Variants in AHDC1 observed in about 807,000 individuals in gnomAD.
AHDC1 encodes the protein transcription factor Gibbin.
A neutral mutation model predicts 87.9 loss-of-function variants in AHDC1; 7 were observed. That is an observed-to-expected ratio of 0.08 (90% confidence interval 0.05 to 0.15). AHDC1 has a LOEUF of 0.15. AHDC1 is among the 10% of genes least tolerant of loss of function. The pLI, the probability that AHDC1 is intolerant of heterozygous loss-of-function variation, is 1.00. For synonymous variants in AHDC1, 1,051 were observed against 1,006.8 expected, an observed-to-expected ratio of 1.04 and a Z score of -0.83; for missense variants, 1,841 against 2,253.2, an observed-to-expected ratio of 0.82 and a Z score of 3.70.
At chr1:27,567,981 CT>C (rs1273488568) in intron 3 of AHDC1, 3 of 152,242 alleles carry the variant, frequency 2.0e-5, no homozygotes, top group Admixed American at 6.5e-5. Context: ...AACCAAAGGC[CT>C]GAAGGAAGCT....
Position 27,548,556 on chromosome 1 carries a change from C to G in AHDC1, c.3560G>C (p.Ser1187Thr). Residue 1187 changes from serine to threonine, a missense_variant, in exon 8 of 9, where the codon AGC becomes ACC. Ser to Thr is a moderately conservative substitution (Grantham distance 58, BLOSUM62 1). Around this residue, in one of 13 missense-constraint regions of AHDC1, gnomAD observed 505 missense variants for 626.2 expected, o/e 0.81. Transcript: ENST00000673934. ...VGGGGFRRAN[S>T]EASSSEGQSS... ...CTGGCCCTCACTACTTGAGGCCTCG[C>G]TGTTGGCACGCCGAAACCCCCCGCC... 1 of 1,613,610 alleles carries G rather than the reference C, an allele frequency of 6.2e-7. No homozygotes were observed.
Position 27,565,684 on chromosome 1 carries a change from T to TA in AHDC1, c.-628-6802dup, listed in dbSNP as rs1350300055. Among the ~76,000 whole-genome samples the TA allele has an allele frequency of 3.3e-5, 5 of 152,340 alleles. No homozygotes were observed. In the East Asian group the frequency reaches 9.7e-4, roughly 29 times the overall value. On this transcript the variant is annotated intron_variant, in intron 3 of 8. Transcript: ENST00000673934. The surrounding 1 kb of genome is among the most constrained non-coding windows in gnomAD (Gnocchi z 4.6). The stretch of plus-strand genomic sequence containing the variant: ...AGACATGAAGCAAGGATAGTATCCC[T>TA]ATACCATCTGGGGAAACTGAGGCAC...
intron 3 of AHDC1, among the ~76,000 whole-genome samples, chr1:27,603,162 C>A (rs1263266912): frequency 1.9e-4 from 29 of 148,760 alleles, no homozygotes; most frequent in African/African-American, 6.1e-4. Flanking sequence ...CCCCGCCCCC[C>A]CTCCCCGTCC....
chr1:27,597,685 T>C (rs1056102084), intron 3 of AHDC1, among the ~76,000 whole-genome samples: 5 of 152,076 alleles, frequency 3.3e-5, no homozygotes, highest in African/African-American at 1.2e-4. Flanking sequence ...GCCTGGGGGT[T>C]TGGGGAGGGA....
At position 27,548,990 on chromosome 1, in the gene AHDC1, C is replaced by T; in HGVS notation, c.3126G>A (p.Glu1042=). 6.4e-7 allele frequency: 1 copy of T among 1,568,742 alleles called. No individual in the cohort carries two copies. The highest frequency in any genetic ancestry group is 8.6e-7 in the Non-Finnish European group (1 of 1,156,268). ...GGGCTGAACCAGAGAAGGGGGCCCC[C>T]TCAGAGCTGCTGAAGAAGGAGGCCT... The part of the protein sequence containing the change: ...PSKASFFSSS[E]GAPFSGSAPT... Residue 1042 remains glutamate, a synonymous_variant, in exon 8 of 9, where the codon GAG becomes GAA. Transcript: ENST00000673934.
chr1:27,592,825 G>A (rs369840314), intron 3 of AHDC1, among the ~76,000 whole-genome samples: 18 of 152,254 alleles, frequency 1.2e-4, no homozygotes, highest in Non-Finnish European at 2.4e-4. Context: ...GGGGTGGGAC[G>A]AAAGGACCCA....
Position 27,571,444 on chromosome 1 carries a change from G to A in AHDC1, c.-628-12561C>T, listed in dbSNP as rs145553239. On this transcript the variant is annotated intron_variant, in intron 3 of 8. Coordinates refer to ENST00000673934, the MANE Select transcript of AHDC1 (RefSeq NM_001371928.1). Reference sequence around the variant, plus strand: ...TGAGCTGCAGCAGGAGGAGGAAGAAGCCAGGGCAGGAGCAGAACAAGTCAG... The same window carrying A: ...TGAGCTGCAGCAGGAGGAGGAAGAAACCAGGGCAGGAGCAGAACAAGTCAG... Among the ~76,000 whole-genome samples the A allele has an allele frequency of 2.4e-3, 367 of 152,270 alleles. 3 individuals are homozygous for A. The highest frequency in any genetic ancestry group is 8.0e-3 in the African/African-American group (332 of 41,558).
intron 3 of AHDC1, among the ~76,000 whole-genome samples, chr1:27,586,753 C>T (rs2089070451): frequency 6.6e-6 from 1 of 152,208 alleles, no homozygotes; most frequent in African/African-American, 2.4e-5. Flanking sequence ...GGCCTCCTGG[C>T]TCCTTATCCC....
In AHDC1 at chr1:27,560,591, T is replaced by A. The variant is rs1021191581; in HGVS notation, c.-628-1708A>T. Among the ~76,000 whole-genome samples the A allele has an allele frequency of 3.9e-5, 6 of 152,148 alleles. No homozygotes were observed. The highest frequency in any genetic ancestry group is 3.3e-4 in the Admixed American group (5 of 15,274). The stretch of plus-strand genomic sequence containing the variant: ...GCAGTGTGACTGGCCACAGTGTCCC[T>A]GTGGGTCTCTTTCACCATGGGTCAG... On this transcript the variant is annotated intron_variant, in intron 3 of 8. Transcript: ENST00000673934. This position sits in a 1 kb window ranked among gnomAD's most constrained non-coding sequence, Gnocchi z 4.1.
intron 8 of AHDC1, among the ~76,000 whole-genome samples, chr1:27,538,135 C>T (rs2018730084): frequency 6.6e-6 from 1 of 152,052 alleles, no homozygotes; most frequent in Admixed American, 6.5e-5. Flanking sequence ...GGCAGGGTGA[C>T]TCACGCCTGT....
At position 27,547,376 on chromosome 1, in the gene AHDC1, GCCCCCA is replaced by G; in HGVS notation, c.4734_4739del (p.Gly1579_Gly1580del). 1 of 1,554,816 alleles carries G rather than the reference GCCCCCA, an allele frequency of 6.4e-7. No homozygotes were observed. The highest frequency in any genetic ancestry group is 2.3e-5 in the East Asian group (1 of 44,398). On this transcript the variant is annotated inframe_deletion, in exon 8 of 9. Transcript: ENST00000673934. The surrounding 1 kb of genome is among the most constrained non-coding windows in gnomAD (Gnocchi z 4.9). ...TGGGCCCCAGGAAGCCGCTCTTGGG[GCCCCCA>G]CCCAGGCCAGGATGCGCCTGGGGCA...
At position 27,550,170 on chromosome 1, in the gene AHDC1, G is replaced by A; in HGVS notation, c.1946C>T (p.Ala649Val). 6.2e-7 allele frequency: 1 copy of A among 1,611,642 alleles called. No homozygotes were observed. Among genetic ancestry groups the A allele is most frequent in the Non-Finnish European group, 8.5e-7 (1 of 1,179,842 alleles). The stretch of plus-strand genomic sequence containing the variant: ...GTGGGAGATGCTCTGGGTGTCGGGG[G>A]CCTGGTGCACCGACTCCGGCTCACT... ...TPSEPESVHQ[A>V]PDTQSISHFL... is the part of the protein sequence containing the mutation. The change falls in exon 8 of 9, where the codon GCC becomes GTC. Residue 649 changes from alanine (A) to valine (V), a missense_variant. Physicochemically the swap from Ala to Val is moderately conservative, Grantham distance 64. Coordinates refer to ENST00000673934, the MANE Select transcript of AHDC1 (RefSeq NM_001371928.1).
intron 3 of AHDC1, among the ~76,000 whole-genome samples, chr1:27,570,327 G>GC (rs35764028): frequency 3.3e-5 from 5 of 149,376 alleles, no homozygotes; most frequent in African/African-American, 7.4e-5. Flanking sequence ...CCAGACCATC[G>GC]CCCCCCACCC....
rs866644532 is a variant in AHDC1 at position 27,595,312 on chromosome 1, A to C, written c.-629+8085T>G. Reference sequence around the variant, plus strand: ...GGGAGAAACGTTGGGGGCTGTGGGCAGAGTGTGTGTGTCTGGGGAGGTGTC... The same window carrying C: ...GGGAGAAACGTTGGGGGCTGTGGGCCGAGTGTGTGTGTCTGGGGAGGTGTC... On this transcript the variant is annotated intron_variant, in intron 3 of 8. Coordinates refer to ENST00000673934, the MANE Select transcript of AHDC1 (RefSeq NM_001371928.1). This position sits in a 1 kb window ranked among gnomAD's most constrained non-coding sequence, Gnocchi z 4.0. Among the ~76,000 whole-genome samples the C allele has an allele frequency of 7.9e-5, 12 of 151,818 alleles. No individual in the cohort carries two copies. Among genetic ancestry groups the C allele is most frequent in the South Asian group, 2.1e-4 (1 of 4,810 alleles).
At chr1:27,538,842 C>T (rs1028492357) in intron 8 of AHDC1, among the ~76,000 whole-genome samples, 1 of 152,074 alleles carries the variant, frequency 6.6e-6, no homozygotes. Context: ...AATAAGGGAG[C>T]TGAACAGGTG....
At chr1:27,571,367 G>T (rs1229353280) in intron 3 of AHDC1, among the ~76,000 whole-genome samples, 2 of 152,170 alleles carry the variant, frequency 1.3e-5, no homozygotes, top group African/African-American at 4.8e-5. Flanking sequence ...TGATGGGGGA[G>T]ACCAGGCACA....
rs970046234 is a variant in AHDC1, at chr1:27,563,013, G to A, written c.-628-4130C>T. Among the ~76,000 whole-genome samples the A allele has an allele frequency of 1.3e-5, 2 of 151,992 alleles. No homozygotes were observed. Among genetic ancestry groups the A allele is most frequent in the African/African-American group, 2.4e-5 (1 of 41,346 alleles). On this transcript the variant is annotated intron_variant, in intron 3 of 8. Transcript: ENST00000673934. This position sits in a 1 kb window ranked among gnomAD's most constrained non-coding sequence, Gnocchi z 6.1. ...CACCTGACACACCCTCGACAGCATG[G>A]GGCAGGCGTCTGTTACCCCTCACAG... is the stretch of plus-strand genomic sequence containing the variant.
intron 3 of AHDC1, among the ~76,000 whole-genome samples, chr1:27,568,419 G>C (rs1285682003): frequency 1.3e-5 from 2 of 152,170 alleles, no homozygotes; most frequent in African/African-American, 2.4e-5. Context: ...GAGCTTCACG[G>C]GAGCAGAGCA....
chr1:27,588,139 C>G (rs1409896209), intron 3 of AHDC1, among the ~76,000 whole-genome samples: 3 of 152,352 alleles, frequency 2.0e-5, no homozygotes, highest in South Asian at 4.1e-4. Flanking sequence ...GGTCTGTGAA[C>G]GTCCCTCCGT....
Sources: gnomAD v4.1 joint callset for allele counts (sites outside exome capture counted in the v4.1 genomes callset) on GRCh38, gnomAD v4.1.1 for gene constraint, gnomAD v4.1.1 regional missense constraint, Gnocchi (gnomAD v3.1) non-coding constraint, MANE v1.5 for transcripts, NCBI Gene and HGNC (gene_info 2026-07-23, HGNC 2026-07-21) for gene names.